Variants in METAP1 observed in about 807,000 individuals in gnomAD.
METAP1 encodes the protein methionyl aminopeptidase 1.
A neutral mutation model predicts 53.8 loss-of-function variants in METAP1; 28 were observed. The ratio of observed to expected loss-of-function variants is 0.52; its 90% confidence interval spans 0.39 to 0.71. METAP1 has a LOEUF of 0.71. Among genes scored for constraint, METAP1 ranks in the 30% least tolerant of loss-of-function variants. The probability of loss-of-function intolerance (pLI) is 0.00; values close to 1 mark genes in which losing one functional copy is unlikely to be tolerated. For missense variants in METAP1, 389 were observed against 479.8 expected, an observed-to-expected ratio of 0.81 and a Z score of 1.77; for synonymous variants, 181 against 165.7, an observed-to-expected ratio of 1.09 and a Z score of -0.71.
chr4:99,034,302 G>A lies in METAP1; in HGVS notation c.239G>A (p.Gly80Asp). 4 of 1,549,210 alleles carry A rather than the reference G, an allele frequency of 2.6e-6. No homozygotes were observed. Among genetic ancestry groups the A allele is most frequent in the Non-Finnish European group, 3.5e-6 (4 of 1,144,852 alleles). ...GATATTAATACTGACCCATGGGCAG[G>A]TTATCGATATACTGGTAAACTCAGA... ...EGDINTDPWA[G>D]YRYTGKLRPH... is the part of the protein sequence containing the mutation. Residue 80 changes from glycine (G) to aspartate (D), a missense_variant, in exon 3 of 11, where the codon GGT becomes GAT. Transcript: ENST00000296411.
At chr4:98,999,392 A>G (rs1194337573) in intron 1 of METAP1, among the ~76,000 whole-genome samples, 2 of 151,818 alleles carry the variant, frequency 1.3e-5, no homozygotes, top group African/African-American at 4.8e-5. Context: ...GATGAAGACT[A>G]AATCCAAAGT....
intron 1 of METAP1, among the ~76,000 whole-genome samples, chr4:99,018,695 C>T (rs1400193484): frequency 6.6e-6 from 1 of 152,164 alleles, no homozygotes; most frequent in Non-Finnish European, 1.5e-5. Flanking sequence ...ATTTATAGCT[C>T]TGAGATCTTG....
At chr4:99,011,782 A>C (rs1723482460) in intron 1 of METAP1, among the ~76,000 whole-genome samples, 1 of 152,034 alleles carries the variant, frequency 6.6e-6, no homozygotes, top group South Asian at 2.1e-4. Flanking sequence ...CTCTACTAAA[A>C]ATACAAAATT....
At chr4:99,003,709 C>G (rs1294832496) in intron 1 of METAP1, among the ~76,000 whole-genome samples, 2 of 152,142 alleles carry the variant, frequency 1.3e-5, no homozygotes, top group Non-Finnish European at 2.9e-5. Context: ...GAAAAAAACT[C>G]AAACTTTTTT....
chr4:99,014,004 G>A (rs1386956852), intron 1 of METAP1, among the ~76,000 whole-genome samples: 1 of 152,152 alleles, frequency 6.6e-6, no homozygotes, highest in African/African-American at 2.4e-5. Flanking sequence ...CCTAATAAAA[G>A]CAACCTTTCC....
At chr4:99,025,590 T>C in intron 1 of METAP1, 4 of 636,556 alleles carry the variant, frequency 6.3e-6, no homozygotes, top group Non-Finnish European at 5.9e-6. Context: ...CACTATCCCA[T>C]TTTAGCTTGT....
At chr4:99,058,848 T>C (rs1270087398) in intron 10 of METAP1, among the ~76,000 whole-genome samples, 1 of 152,206 alleles carries the variant, frequency 6.6e-6, no homozygotes, top group Non-Finnish European at 1.5e-5. Context: ...TTCTGTAAAA[T>C]GAAAATTAGA....
In METAP1 at chr4:99,030,608, G is replaced by A. The variant is rs114535987; in HGVS notation, c.166+1690G>A. ...GACAGTCCTAGAGGGAGGGAATGGT[G>A]TGGGGAAGGGTGATCTCCAGAGACA... On this transcript the variant is annotated intron_variant, in intron 2 of 10. Coordinates refer to ENST00000296411, the MANE Select transcript of METAP1 (RefSeq NM_015143.3). Among the ~76,000 whole-genome samples, 1,097 of 152,228 alleles carry A rather than the reference G, an allele frequency of 7.2e-3. 9 individuals are homozygous for A. The highest frequency in any genetic ancestry group is 0.025 in the African/African-American group (1,038 of 41,538).
intron 1 of METAP1, chr4:99,026,195 G>A: frequency 1.0e-6 from 1 of 982,552 alleles, no homozygotes; most frequent in African/African-American, 1.7e-5. Context: ...GATATTTTGG[G>A]TTCATAAGCT....
In METAP1 at chr4:99,033,252, AT is replaced by A. The variant is rs763854019; in HGVS notation, c.167-965del. ...ATAGATTGTTTAAGAGGGGAGTTTT[AT>A]TTTTTTTTTTTTCGGACACTTCTAA... On this transcript the variant is annotated intron_variant, in intron 2 of 10. Transcript: ENST00000296411. 4.1e-3 allele frequency among the ~76,000 whole-genome samples: 563 copies of A among 137,016 alleles called. 2 individuals carry two copies. The highest frequency in any genetic ancestry group is 0.012 in the African/African-American group (463 of 37,528). The allele number at this position is 137,016 out of a possible 152,430, so 89.9% of individuals were successfully genotyped here. A position where few individuals can be genotyped will look rare whatever the true frequency, so the allele number is the denominator to read the frequency against.
intron 1 of METAP1, chr4:99,022,848 C>A: frequency 6.4e-7 from 1 of 1,561,670 alleles, no homozygotes. Flanking sequence ...TGCTTTTTTC[C>A]CTCCCACGGC....
Position 99,045,279 on chromosome 4 carries a change from A to G in METAP1, c.756A>G (p.Thr252=), listed in dbSNP as rs1476918402. 3 of 1,613,724 alleles carry G rather than the reference A, an allele frequency of 1.9e-6. No individual in the cohort carries two copies. The highest frequency in any genetic ancestry group is 2.7e-5 in the African/African-American group (2 of 74,932). ...DDGARKLVQT[T]YECLMQAIDA... is the part of the protein sequence containing the mutation. ...GAGCACGGAAACTTGTTCAGACCACATATGAGTGCCTGATGCAAGCCATTG... is the reference window on the plus strand; with the variant it reads ...GAGCACGGAAACTTGTTCAGACCACGTATGAGTGCCTGATGCAAGCCATTG... The change falls in exon 8 of 11, where the codon ACA becomes ACG. Residue 252 remains threonine (T), a synonymous_variant. Coordinates refer to ENST00000296411, the MANE Select transcript of METAP1 (RefSeq NM_015143.3).
chr4:99,046,674 T>C (rs1307049037), intron 8 of METAP1, among the ~76,000 whole-genome samples: 1 of 151,944 alleles, frequency 6.6e-6, no homozygotes, highest in Non-Finnish European at 1.5e-5. Context: ...CTTTAATGTG[T>C]ATGGGAGATG....
intron 1 of METAP1, among the ~76,000 whole-genome samples, chr4:99,024,699 C>T (rs112887711): frequency 5.7e-4 from 87 of 152,316 alleles, no homozygotes; most frequent in African/African-American, 2.0e-3. Flanking sequence ...ATCTTGTAGC[C>T]TCCAGCTGCA....
chr4:99,053,190 G>T (rs1253332979), intron 9 of METAP1, among the ~76,000 whole-genome samples: 2 of 152,112 alleles, frequency 1.3e-5, no homozygotes, highest in African/African-American at 4.8e-5. Context: ...ATTGATATTT[G>T]GCTTCCTCTC....
At chr4:99,044,652 TA>T (rs1157206908) in intron 7 of METAP1, among the ~76,000 whole-genome samples, 6 of 151,730 alleles carry the variant, frequency 4.0e-5, no homozygotes, top group African/African-American at 1.2e-4. Context: ...GTATATAATA[TA>T]TAGTATAATA....
chr4:99,047,767 C>CT (rs2067289292), intron 8 of METAP1, among the ~76,000 whole-genome samples: 1 of 152,090 alleles, frequency 6.6e-6, no homozygotes. Flanking sequence ...GCTCCTGGGT[C>CT]TTAGTGTGAG....
chr4:99,048,836 C>T lies in METAP1; in HGVS notation c.891C>T (p.His297=). 1 of 1,614,014 alleles carries T rather than the reference C, an allele frequency of 6.2e-7. No homozygotes were observed. Among genetic ancestry groups the T allele is most frequent in the Non-Finnish European group, 8.5e-7 (1 of 1,179,882 alleles). ...GAAGCTATTGTGGGCATGGAATCCA[C>T]AAGCTTTTTCATACAGCTCCCAATG... ...VVRSYCGHGI[H]KLFHTAPNVP... Residue 297 remains histidine (H), a synonymous_variant, in exon 9 of 11, where the codon CAC becomes CAT. Coordinates refer to ENST00000296411, the MANE Select transcript of METAP1 (RefSeq NM_015143.3).
chr4:99,041,640 TA>T (rs1431301799), intron 6 of METAP1, among the ~76,000 whole-genome samples: 3 of 151,580 alleles, frequency 2.0e-5, no homozygotes, highest in Non-Finnish European at 2.9e-5. Context: ...ATATGAATTT[TA>T]AAAAAAAGAG....
Sources: gnomAD v4.1 joint callset for allele counts (sites outside exome capture counted in the v4.1 genomes callset) on GRCh38, gnomAD v4.1.1 for gene constraint, MANE v1.5 for transcripts, NCBI Gene and HGNC (gene_info 2026-07-23, HGNC 2026-07-21) for gene names.